Variants in PRKCE observed in about 807,000 individuals in gnomAD.
PRKCE encodes the protein protein kinase C epsilon.
In PRKCE, 16 loss-of-function variants were observed where a neutral mutation model predicts 85.4. The ratio of observed to expected loss-of-function variants is 0.19; its 90% CI spans 0.13 to 0.28. The LOEUF is 0.28. Among genes scored for constraint, PRKCE ranks in the 10% least tolerant of loss-of-function variants. The pLI is 1.00. For missense variants in PRKCE, 573 were observed against 975.2 expected, an observed-to-expected ratio of 0.59 and a Z score of 5.49; for synonymous variants, 388 against 371.5, an observed-to-expected ratio of 1.04 and a Z score of -0.51.
chr2:46,036,039 A>G (rs1395374848), intron 10 of PRKCE, among the ~76,000 whole-genome samples: 1 of 152,216 alleles, frequency 6.6e-6, no homozygotes, highest in Non-Finnish European at 1.5e-5. Context: ...TCTCTGATGA[A>G]TTACAGTAAC....
At chr2:45,789,504 C>A (rs1431887550) in intron 1 of PRKCE, among the ~76,000 whole-genome samples, 2 of 152,180 alleles carry the variant, frequency 1.3e-5, no homozygotes, top group Non-Finnish European at 2.9e-5. Flanking sequence ...ATAGCTCCTG[C>A]CTGTGGTCCT....
chr2:45,749,636 A>G (rs1683393327), intron 1 of PRKCE, among the ~76,000 whole-genome samples: 1 of 152,266 alleles, frequency 6.6e-6, no homozygotes, highest in African/African-American at 2.4e-5. Context: ...AGTGATAAGC[A>G]TGTTATGAAC....
At chr2:46,063,697 C>G (rs1336355685) in intron 10 of PRKCE, among the ~76,000 whole-genome samples, 1 of 152,180 alleles carries the variant, frequency 6.6e-6, no homozygotes. Context: ...TTGCAAGGGG[C>G]AGGAAAAGAT....
At chr2:45,690,382 G>C (rs1211205748) in intron 1 of PRKCE, among the ~76,000 whole-genome samples, 1 of 152,232 alleles carries the variant, frequency 6.6e-6, no homozygotes, top group East Asian at 1.9e-4. Context: ...CCTGACCACT[G>C]ACATGTATGG....
At chr2:46,008,015 A>G (rs1705354694) in intron 9 of PRKCE, among the ~76,000 whole-genome samples, 1 of 152,222 alleles carries the variant, frequency 6.6e-6, no homozygotes, top group Admixed American at 6.5e-5. Context: ...TCCCTCCTTC[A>G]GAGATCAGCT....
rs559902033 is a variant in PRKCE at position 45,704,526 on chromosome 2, G to T, written c.348+52078G>T. ...GAGTGTTGGGGGTTTCCTTAGCCCA[G>T]TGTTAAAGTGTCATGACATGGCCTT... On this transcript the variant is annotated intron_variant, in intron 1 of 14. Coordinates refer to ENST00000306156, the MANE Select transcript of PRKCE (RefSeq NM_005400.3). 1.6e-3 allele frequency among the ~76,000 whole-genome samples: 238 copies of T among 152,340 alleles called. 2 individuals are homozygous for T. In the South Asian group the frequency reaches 0.046, roughly 29 times the overall value.
At chr2:45,682,539 G>T (rs1244849208) in intron 1 of PRKCE, among the ~76,000 whole-genome samples, 1 of 152,126 alleles carries the variant, frequency 6.6e-6, no homozygotes, top group African/African-American at 2.4e-5. Context: ...TGACTCTTGG[G>T]CCTCAGCCTC....
At chr2:45,668,239 G>T (rs993585524) in intron 1 of PRKCE, among the ~76,000 whole-genome samples, 2 of 152,278 alleles carry the variant, frequency 1.3e-5, no homozygotes, top group Admixed American at 1.3e-4. Flanking sequence ...TACTCAGGAG[G>T]CTGAGGCAGG....
chr2:46,071,641 A>G (rs1183340299), intron 10 of PRKCE, among the ~76,000 whole-genome samples: 1 of 152,198 alleles, frequency 6.6e-6, no homozygotes, highest in Non-Finnish European at 1.5e-5. Flanking sequence ...GGAGTGCCCA[A>G]ACAGGGACTG....
At chr2:45,772,596 A>G (rs529554214) in intron 1 of PRKCE, among the ~76,000 whole-genome samples, 1 of 152,162 alleles carries the variant, frequency 6.6e-6, no homozygotes, top group East Asian at 1.9e-4. Context: ...GACTGAGGAG[A>G]GATAGGCTCT....
chr2:45,683,315 C>G (rs1489561718), intron 1 of PRKCE, among the ~76,000 whole-genome samples: 1 of 152,162 alleles, frequency 6.6e-6, no homozygotes, highest in Non-Finnish European at 1.5e-5. Context: ...TAGACTGTGA[C>G]AATTTTTTCC....
In PRKCE at chr2:45,742,199, C is replaced by A. The variant is rs1052593106; in HGVS notation, c.348+89751C>A. Among the ~76,000 whole-genome samples, 14 of 151,722 alleles carry A rather than the reference C, an allele frequency of 9.2e-5. 1 individual carries two copies. The highest frequency in any genetic ancestry group is 3.4e-4 in the African/African-American group (14 of 41,276). On this transcript the variant is annotated intron_variant, in intron 1 of 14. Coordinates refer to ENST00000306156, the MANE Select transcript of PRKCE (RefSeq NM_005400.3). ...AGAATGGGAGAAAATATTTGCAAACCATATATCCAATAAGGGTAACTATCC... is the reference window on the plus strand; with the variant it reads ...AGAATGGGAGAAAATATTTGCAAACAATATATCCAATAAGGGTAACTATCC...
At chr2:45,973,913 A>G (rs751394916) in intron 2 of PRKCE, among the ~76,000 whole-genome samples, 2 of 152,244 alleles carry the variant, frequency 1.3e-5, no homozygotes, top group Non-Finnish European at 2.9e-5. Flanking sequence ...AGTCAATTTG[A>G]GAGATTTGTA....
In PRKCE at chr2:45,786,952, G is replaced by T. The variant is rs993730996; in HGVS notation, c.349-56048G>T. Among the ~76,000 whole-genome samples the T allele has an allele frequency of 6.6e-6, 1 of 152,212 alleles. No individual in the cohort carries two copies. Among genetic ancestry groups the T allele is most frequent in the Admixed American group, 6.5e-5 (1 of 15,288 alleles). ...CAGGAAGCTGGTGTTTCTCAAACTC[G>T]CCTGGTGAGTCACTTGAGGCTTTGG... On this transcript the variant is annotated intron_variant, in intron 1 of 14. Coordinates refer to ENST00000306156, the MANE Select transcript of PRKCE (RefSeq NM_005400.3). The surrounding 1 kb of genome is among the most constrained non-coding windows in gnomAD (Gnocchi z 5.3).
At chr2:45,769,953 G>T (rs909731255) in intron 1 of PRKCE, among the ~76,000 whole-genome samples, 2 of 152,272 alleles carry the variant, frequency 1.3e-5, no homozygotes, top group Admixed American at 1.3e-4. Flanking sequence ...CCAGGGTGCA[G>T]CAGGCACACG....
chr2:45,958,053 A>T (rs1038532582), intron 2 of PRKCE, among the ~76,000 whole-genome samples: 1 of 151,784 alleles, frequency 6.6e-6, no homozygotes, highest in East Asian at 1.9e-4. Flanking sequence ...ATGTTTGAGC[A>T]TGCCTTCTGG....
chr2:45,751,908 C>A (rs972432903), intron 1 of PRKCE, among the ~76,000 whole-genome samples: 9 of 146,646 alleles, frequency 6.1e-5, no homozygotes, highest in Non-Finnish European at 1.2e-4. Context: ...AGCTCCGCCT[C>A]CCGGGTTCAC....
chr2:45,664,610 A>C (rs1289696171), intron 1 of PRKCE, among the ~76,000 whole-genome samples: 1 of 152,214 alleles, frequency 6.6e-6, no homozygotes, highest in African/African-American at 2.4e-5. Flanking sequence ...CTACAATTTC[A>C]CACTTGGTTC....
At chr2:45,868,563 A>G (rs1341170027) in intron 2 of PRKCE, among the ~76,000 whole-genome samples, 1 of 147,736 alleles carries the variant, frequency 6.8e-6, no homozygotes, top group African/African-American at 2.5e-5. Flanking sequence ...ACCTCAGGTG[A>G]TCTGCCCGCC....
Sources: allele counts gnomAD v4.1 joint callset (sites outside exome capture counted in the v4.1 genomes callset), GRCh38; gene constraint gnomAD v4.1.1; non-coding constraint Gnocchi (gnomAD v3.1); transcripts MANE v1.5; gene names NCBI Gene and HGNC (gene_info 2026-07-23, HGNC 2026-07-21).